Variants in MRTFA observed in about 807,000 individuals in gnomAD.
MRTFA encodes the protein myocardin related transcription factor A, also known as myocardin-related transcription factor A.
In MRTFA, 20 loss-of-function variants were observed where a neutral mutation model predicts 83.5. The ratio of observed to expected loss-of-function variants is 0.24; its 90% CI spans 0.17 to 0.35. The LOEUF (loss-of-function observed/expected upper bound fraction) is 0.35. Ranked by LOEUF, MRTFA falls within the 10% of genes least tolerant of loss-of-function variation. MRTFA has a pLI of 1.00. For missense variants in MRTFA, 1,200 were observed against 1,224.7 expected, an observed-to-expected ratio of 0.98 and a Z score of 0.30; for synonymous variants, 659 against 541.2, an observed-to-expected ratio of 1.22 and a Z score of -3.02.
intron 4 of MRTFA, among the ~76,000 whole-genome samples, chr22:40,453,599 G>C (rs1178328560): frequency 2.6e-5 from 4 of 152,104 alleles, no homozygotes; most frequent in South Asian, 4.1e-4. Context: ...GAGAGGATTT[G>C]CCCTTGCCTT....
intron 3 of MRTFA, among the ~76,000 whole-genome samples, chr22:40,477,774 G>C (rs1410012954): frequency 6.6e-6 from 1 of 151,884 alleles, no homozygotes; most frequent in African/African-American, 2.4e-5. Context: ...TTGGGGGTGG[G>C]GGATGCGGAG....
intron 4 of MRTFA, among the ~76,000 whole-genome samples, chr22:40,436,905 C>T (rs909483606): frequency 6.6e-6 from 1 of 152,138 alleles, no homozygotes; most frequent in Non-Finnish European, 1.5e-5. Context: ...CCCTATCCTG[C>T]CTGGGCCGTT....
intron 11 of MRTFA, 119 bp downstream of exon 11, chr22:40,420,286 G>T: frequency 8.3e-7 from 1 of 1,208,722 alleles, no homozygotes; most frequent in Non-Finnish European, 1.2e-6. Flanking sequence ...GCCCTGCTCT[G>T]CTTTCCATGA....
intron 2 of MRTFA, among the ~76,000 whole-genome samples, chr22:40,564,499 G>A (rs1049506151): frequency 2.0e-5 from 3 of 152,216 alleles, no homozygotes; most frequent in Admixed American, 2.0e-4. Flanking sequence ...CCTAGTCTCA[G>A]ATCACCTACT....
At chr22:40,627,427 T>C (rs1312999744) in intron 1 of MRTFA, among the ~76,000 whole-genome samples, 1 of 152,182 alleles carries the variant, frequency 6.6e-6, no homozygotes, top group African/African-American at 2.4e-5. Context: ...ATTTGGCAAG[T>C]ATTAATTGAG....
At chr22:40,502,637 T>G (rs1291635284) in intron 3 of MRTFA, among the ~76,000 whole-genome samples, 1 of 144,362 alleles carries the variant, frequency 6.9e-6, no homozygotes, top group Non-Finnish European at 1.5e-5. Flanking sequence ...CACTCCTCAC[T>G]TCCCAGACGG....
At chr22:40,430,256 G>A (rs987132802) in intron 6 of MRTFA, among the ~76,000 whole-genome samples, 1 of 152,172 alleles carries the variant, frequency 6.6e-6, no homozygotes, top group African/African-American at 2.4e-5. Flanking sequence ...GGGAGGCCAA[G>A]GCATGTGGAT....
rs999076348 is a variant in MRTFA at position 40,411,338 on chromosome 22, T to C, written c.*52A>G. On this transcript the variant is annotated 3_prime_UTR_variant, in exon 15 of 15. Transcript: ENST00000355630. ...CCGAATCACGCAGGAGAGCCACGCA[T>C]TGGAGTACCCTGGCTCCCAGCCCCT... 7 of 1,505,586 alleles carry C rather than the reference T, an allele frequency of 4.6e-6. No individual in the cohort carries two copies. The Admixed American group carries it at 8.6e-5, about 19-fold the overall frequency. The allele number at this position is 1,505,586 out of a possible 1,614,324, so 93.3% of individuals were successfully genotyped here.
At chr22:40,577,444 G>A (rs1478196358) in intron 2 of MRTFA, among the ~76,000 whole-genome samples, 4 of 151,812 alleles carry the variant, frequency 2.6e-5, no homozygotes, top group African/African-American at 4.8e-5. Flanking sequence ...AATGTAACAA[G>A]ATAAATACAT....
chr22:40,419,061 C>G lies in MRTFA; in HGVS notation c.1677G>C (p.Glu559Asp). The change falls in exon 12 of 15, where the codon GAG becomes GAC. Residue 559 changes from glutamate to aspartate, a missense_variant. This residue lies in a region of MRTFA where 1,107 missense variants were observed against 1,041.8 expected (regional missense o/e 1.06). Transcript: ENST00000355630. The stretch of plus-strand genomic sequence containing the variant: ...CATCGCCCGTGCTGAGCAGTGAGCG[C>G]TCCGAGGGGGTGGGAGACACGGGGG... 5 of 1,610,240 alleles carry G rather than the reference C, an allele frequency of 3.1e-6. No individual in the cohort carries two copies. The highest frequency in any genetic ancestry group is 4.2e-6 in the Non-Finnish European group (5 of 1,178,866).
intron 3 of MRTFA, among the ~76,000 whole-genome samples, chr22:40,525,038 G>C (rs996413739): frequency 6.6e-6 from 1 of 152,088 alleles, no homozygotes; most frequent in African/African-American, 2.4e-5. Context: ...TTAAACTCCT[G>C]GCCTCAAGTG....
intron 2 of MRTFA, among the ~76,000 whole-genome samples, chr22:40,589,937 G>A (rs1051100971): frequency 2.6e-5 from 4 of 151,150 alleles, no homozygotes; most frequent in African/African-American, 7.3e-5. Flanking sequence ...CAGGAGAATC[G>A]CTTGAACCCG....
intron 4 of MRTFA, among the ~76,000 whole-genome samples, chr22:40,444,626 C>G (rs2053341395): frequency 6.6e-6 from 1 of 152,210 alleles, no homozygotes; most frequent in Admixed American, 6.5e-5. Flanking sequence ...CGATATTTCT[C>G]ACGTGCTATT....
At chr22:40,579,632 G>A (rs2055916482) in intron 2 of MRTFA, among the ~76,000 whole-genome samples, 1 of 151,998 alleles carries the variant, frequency 6.6e-6, no homozygotes, top group African/African-American at 2.4e-5. Flanking sequence ...GGCCAAGGTG[G>A]GTGGATCACC....
At chr22:40,518,664 G>A (rs1029580109) in intron 3 of MRTFA, among the ~76,000 whole-genome samples, 4 of 151,074 alleles carry the variant, frequency 2.6e-5, no homozygotes, top group Middle Eastern at 3.2e-3. Context: ...GTGTGGTGGC[G>A]GGCACCTGTA....
chr22:40,513,070 T>C (rs1227047050), intron 3 of MRTFA, among the ~76,000 whole-genome samples: 5 of 152,226 alleles, frequency 3.3e-5, no homozygotes, highest in Admixed American at 3.3e-4. Context: ...TGAGTCTGTT[T>C]GTGGCACTTT....
intron 2 of MRTFA, among the ~76,000 whole-genome samples, chr22:40,574,613 T>C (rs989299797): frequency 6.6e-6 from 1 of 151,912 alleles, no homozygotes; most frequent in African/African-American, 2.4e-5. Context: ...TTTGTACTTT[T>C]TGGTAGAGAC....
At chr22:40,540,697 A>T (rs2055273598) in intron 3 of MRTFA, among the ~76,000 whole-genome samples, 1 of 150,392 alleles carries the variant, frequency 6.6e-6, no homozygotes, top group South Asian at 2.1e-4. Flanking sequence ...GAATTGCTTG[A>T]ATGCGTGAGG....
intron 4 of MRTFA, among the ~76,000 whole-genome samples, chr22:40,456,249 G>A (rs965870012): frequency 6.6e-6 from 1 of 152,018 alleles, no homozygotes; most frequent in Non-Finnish European, 1.5e-5. Flanking sequence ...ATAATTTTTA[G>A]CAGGGGGGTA....
Sources: allele counts gnomAD v4.1 joint callset (sites outside exome capture counted in the v4.1 genomes callset), GRCh38; gene constraint gnomAD v4.1.1; regional missense constraint gnomAD v4.1.1; transcripts MANE v1.5; gene names NCBI Gene and HGNC (gene_info 2026-07-23, HGNC 2026-07-21).